The following GALNT13 variants were observed in gnomAD, a reference collection of about 807,000 sequenced individuals.
GALNT13 encodes UDP-GalNAc:polypeptide N-acetylgalactosaminyltransferase 13.
A neutral mutation model predicts 64.2 loss-of-function variants in GALNT13; 28 were observed. The ratio of observed to expected loss-of-function variants is 0.44; its 90% CI spans 0.32 to 0.60. GALNT13 has a LOEUF of 0.60. GALNT13 is among the 20% of genes least tolerant of loss of function. GALNT13 has a pLI of 0.05. For missense variants in GALNT13, 577 were observed against 669.8 expected, an observed-to-expected ratio of 0.86 and a Z score of 1.53; for synonymous variants, 214 against 224.6, an observed-to-expected ratio of 0.95 and a Z score of 0.42.
intron 4 of GALNT13, among the ~76,000 whole-genome samples, chr2:154,238,548 T>G (rs1353771164): frequency 6.6e-6 from 1 of 151,992 alleles, no homozygotes; most frequent in Non-Finnish European, 1.5e-5. Flanking sequence ...ACCAGTTCAT[T>G]GTACCACAAA....
At chr2:154,147,631 C>T (rs1251735667) in intron 4 of GALNT13, among the ~76,000 whole-genome samples, 1 of 151,790 alleles carries the variant, frequency 6.6e-6, no homozygotes, top group Non-Finnish European at 1.5e-5. Flanking sequence ...CATAGGTAAA[C>T]AGGTATGGAG....
the GALNT13 span, among the ~76,000 whole-genome samples, chr2:153,070,149 T>C: frequency 6.6e-6 from 1 of 152,234 alleles, no homozygotes; most frequent in East Asian, 1.9e-4. Context: ...GAAGAAATAA[T>C]ATATCAAGCC....
the GALNT13 span, among the ~76,000 whole-genome samples, chr2:153,454,644 CT>C: frequency 6.6e-6 from 1 of 152,142 alleles, no homozygotes; most frequent in African/African-American, 2.4e-5. Context: ...AGAAAGAAAC[CT>C]GGGAATTGTC....
chr2:154,201,589 T>C (rs1379101266), intron 4 of GALNT13, among the ~76,000 whole-genome samples: 1 of 152,160 alleles, frequency 6.6e-6, no homozygotes, highest in Non-Finnish European at 1.5e-5. Context: ...AGTTTAAACA[T>C]ACAGAGGCTA....
chr2:153,826,962 T>C, the GALNT13 span, among the ~76,000 whole-genome samples: 1 of 152,104 alleles, frequency 6.6e-6, no homozygotes, highest in Non-Finnish European at 1.5e-5. Flanking sequence ...AATTGTTTTT[T>C]GACATGTTCA....
chr2:154,449,192 A>G (rs72873824), intron 12 of GALNT13, among the ~76,000 whole-genome samples: 298 of 152,030 alleles, frequency 2.0e-3, no homozygotes, highest in Non-Finnish European at 3.3e-3. Context: ...CTCAATCTTG[A>G]AATCTCCTTT....
intron 10 of GALNT13, among the ~76,000 whole-genome samples, chr2:154,402,379 T>C (rs551618021): frequency 1.7e-3 from 256 of 152,278 alleles, no homozygotes; most frequent in African/African-American, 6.0e-3. Flanking sequence ...GATGCTGCAA[T>C]GCACAGAAAC....
the GALNT13 span, among the ~76,000 whole-genome samples, chr2:153,810,155 G>A: frequency 6.6e-6 from 1 of 152,048 alleles, no homozygotes; most frequent in African/African-American, 2.4e-5. Flanking sequence ...AGTAGAGACA[G>A]TGTTTCACCT....
intron 3 of GALNT13, among the ~76,000 whole-genome samples, chr2:154,011,629 A>G (rs78332908): frequency 6.6e-6 from 1 of 152,110 alleles, no homozygotes; most frequent in Non-Finnish European, 1.5e-5. Flanking sequence ...TATTTTTGTT[A>G]GTTTTCTCCC....
At chr2:153,814,230 G>A in the GALNT13 span, among the ~76,000 whole-genome samples, 1 of 152,102 alleles carries the variant, frequency 6.6e-6, no homozygotes, top group South Asian at 2.1e-4. Flanking sequence ...CACGAGGTCA[G>A]GAGATCGAGA....
intron 2 of GALNT13, among the ~76,000 whole-genome samples, chr2:153,907,336 A>C (rs1411405911): frequency 6.6e-6 from 1 of 151,730 alleles, no homozygotes; most frequent in Non-Finnish European, 1.5e-5. Context: ...CACACATATA[A>C]TTATATACAT....
At chr2:153,825,608 C>CTGTGTG in the GALNT13 span, among the ~76,000 whole-genome samples, 5,095 of 134,770 alleles carry the variant, frequency 0.038, 136 homozygotes, top group African/African-American at 0.067. Context: ...TCCATGAGTG[C>CTGTGTG]TGTGTGTGTG....
At chr2:153,937,704 T>C (rs1321340549) in intron 2 of GALNT13, among the ~76,000 whole-genome samples, 5 of 152,176 alleles carry the variant, frequency 3.3e-5, no homozygotes, top group Non-Finnish European at 5.9e-5. Flanking sequence ...TCTATAGTTG[T>C]AGTGGTGGAA....
chr2:153,125,369 A>G, the GALNT13 span, among the ~76,000 whole-genome samples: 5 of 131,458 alleles, frequency 3.8e-5, no homozygotes, highest in African/African-American at 5.2e-5. Flanking sequence ...TACTGAACTG[A>G]TTTTGAAAGG....
intron 4 of GALNT13, among the ~76,000 whole-genome samples, chr2:154,166,058 AC>A (rs959640354): frequency 3.3e-5 from 5 of 152,170 alleles, no homozygotes; most frequent in African/African-American, 4.8e-5. Flanking sequence ...AAACAAAATA[AC>A]TTTTTATTTG....
intron 3 of GALNT13, among the ~76,000 whole-genome samples, chr2:154,133,534 T>TTATATATATATATATA (rs201083794): frequency 2.6e-5 from 2 of 77,294 alleles, no homozygotes; most frequent in Non-Finnish European, 2.4e-5. Flanking sequence ...ACAGACCATT[T>TTATATATATATATATA]TATATATATA....
At chr2:153,165,085 T>C in the GALNT13 span, among the ~76,000 whole-genome samples, 1 of 152,360 alleles carries the variant, frequency 6.6e-6, no homozygotes, top group East Asian at 1.9e-4. Context: ...GTAATTCCTT[T>C]TCTTAGGTTT....
At chr2:153,305,846 G>A in the GALNT13 span, among the ~76,000 whole-genome samples, 1 of 152,162 alleles carries the variant, frequency 6.6e-6, no homozygotes, top group Admixed American at 6.5e-5. Flanking sequence ...GAAATATAAA[G>A]TAGGGACTCT....
the GALNT13 span, among the ~76,000 whole-genome samples, chr2:153,275,211 G>T: frequency 6.6e-6 from 1 of 152,072 alleles, no homozygotes; most frequent in Non-Finnish European, 1.5e-5. Context: ...AGTTTAGTGA[G>T]TTTTTTTAAA....
Sources: gnomAD v4.1 joint callset for allele counts (sites outside exome capture counted in the v4.1 genomes callset) on GRCh38, gnomAD v4.1.1 for gene constraint, MANE v1.5 for transcripts, NCBI Gene and HGNC (gene_info 2026-07-23, HGNC 2026-07-21) for gene names.